NPR3: variants seen among roughly 807,000 people sequenced by gnomAD.
The protein encoded by NPR3 is atrial natriuretic peptide receptor 3.
Under a neutral mutation model 54.5 loss-of-function variants are expected in NPR3, and 34 were observed. The observed-to-expected ratio is 0.62, with a 90% CI of 0.47 to 0.83. The LOEUF is 0.83. Ranked by LOEUF, NPR3 falls within the 40% of genes least tolerant of loss-of-function variation. The probability of loss-of-function intolerance (pLI) is 0.00; values close to 1 mark genes in which losing one functional copy is unlikely to be tolerated. For synonymous variants in NPR3, 289 were observed against 297.1 expected (o/e 0.97, Z 0.28); for missense variants, 674 against 720.8 (o/e 0.94, Z 0.74).
chr5:32,709,950 C>A (rs1738126662), upstream of NPR3: 1 of 152,162 alleles, frequency 6.6e-6, no homozygotes, highest in African/African-American at 2.4e-5. Context: ...TGGACACGGA[C>A]GCCTAGTCAA....
At chr5:32,733,070 C>T (rs1020867219) in intron 2 of NPR3, among the ~76,000 whole-genome samples, 1 of 152,134 alleles carries the variant, frequency 6.6e-6, no homozygotes, top group Non-Finnish European at 1.5e-5. Context: ...GTCTCGAACT[C>T]CTGACCTCAG....
chr5:32,738,773 A>T (rs1739883983), intron 2 of NPR3, 91 bp from the exon 3 acceptor site: 6 of 1,146,732 alleles, frequency 5.2e-6, no homozygotes, highest in African/African-American at 1.5e-5. Context: ...TGCCAAAAGT[A>T]ACATGCGGGG....
chr5:32,766,174 G>A (rs3792753), intron 3 of NPR3, among the ~76,000 whole-genome samples: 21,208 of 152,250 alleles, frequency 0.14, 1,599 homozygotes, highest in South Asian at 0.21. Flanking sequence ...GTGGACTGGA[G>A]GAGTAACCTG....
At position 32,787,550 on chromosome 5, in the gene NPR3, A is replaced by T. The variant is rs1742703261; in HGVS notation, c.*1205A>T. 6.6e-6 allele frequency: 1 copy of T among 152,250 alleles called. No homozygotes were observed. The highest frequency in any genetic ancestry group is 6.5e-5 in the Admixed American group (1 of 15,284). The allele number at this position is 152,250 out of a possible 1,614,324, so 9.4% of individuals were successfully genotyped here. On this transcript the variant is annotated 3_prime_UTR_variant, in exon 8 of 8. Transcript: ENST00000265074. ...TTTAAAACTTTTACACATGGCATTT[A>T]CCAAAATTCCCAGTGATTATTTTGT...
chr5:32,712,752 T>G (rs1579587154), intron 1 of NPR3, among the ~76,000 whole-genome samples: 1 of 151,944 alleles, frequency 6.6e-6, no homozygotes, highest in Non-Finnish European at 1.5e-5. Context: ...CCCAGGGAGG[T>G]GAAGGGGTTG....
chr5:32,767,000 C>A (rs1239248860), intron 3 of NPR3, among the ~76,000 whole-genome samples: 1 of 152,282 alleles, frequency 6.6e-6, no homozygotes, highest in East Asian at 1.9e-4. Flanking sequence ...CCCTCTCATT[C>A]CCTCTCCAGG....
chr5:32,773,426 A>G (rs1176412934), intron 3 of NPR3, among the ~76,000 whole-genome samples: 2 of 152,154 alleles, frequency 1.3e-5, no homozygotes, highest in South Asian at 4.1e-4. Context: ...AGACAGTCCA[A>G]GTTCCTCAGT....
chr5:32,731,600 T>A (rs969379620), intron 2 of NPR3, among the ~76,000 whole-genome samples: 14 of 152,250 alleles, frequency 9.2e-5, no homozygotes, highest in African/African-American at 3.4e-4. Flanking sequence ...ATTTTATTAG[T>A]CCTAGTTTAC....
chr5:32,760,317 G>T (rs1741096425), intron 3 of NPR3, among the ~76,000 whole-genome samples: 1 of 152,052 alleles, frequency 6.6e-6, no homozygotes, highest in South Asian at 2.1e-4. Context: ...ATTCCAACCA[G>T]CAATGTATGG....
chr5:32,754,643 C>T (rs930675123), intron 3 of NPR3, among the ~76,000 whole-genome samples: 4 of 151,974 alleles, frequency 2.6e-5, no homozygotes, highest in Non-Finnish European at 5.9e-5. Context: ...CTGGGGTGAA[C>T]TTGCTTCTTG....
chr5:32,763,563 C>A (rs189311458), intron 3 of NPR3, among the ~76,000 whole-genome samples: 1 of 151,776 alleles, frequency 6.6e-6, no homozygotes, highest in African/African-American at 2.4e-5. Context: ...ACCTGCCCAC[C>A]TTGGCCTCCC....
At chr5:32,719,820 A>ATTTTTTTTTT (rs1738758845) in intron 1 of NPR3, among the ~76,000 whole-genome samples, 1 of 125,846 alleles carries the variant, frequency 7.9e-6, no homozygotes, top group African/African-American at 3.1e-5. Flanking sequence ...TCTTGTTTGG[A>ATTTTTTTTTT]TATTTCCTTG....
chr5:32,717,044 C>T (rs980422867), intron 1 of NPR3, among the ~76,000 whole-genome samples: 3 of 134,154 alleles, frequency 2.2e-5, no homozygotes, highest in Non-Finnish European at 3.1e-5. Context: ...TGATGTTTCC[C>T]GCCCTGTGTC....
chr5:32,756,534 T>A (rs1294362733), intron 3 of NPR3, among the ~76,000 whole-genome samples: 1 of 152,208 alleles, frequency 6.6e-6, no homozygotes, highest in Non-Finnish European at 1.5e-5. Context: ...TTGCAAAAAT[T>A]TTCTCCCATT....
chr5:32,763,744 G>A (rs143807985), intron 3 of NPR3, among the ~76,000 whole-genome samples: 9 of 151,968 alleles, frequency 5.9e-5, no homozygotes, highest in Middle Eastern at 3.4e-3. Context: ...TTGAGTGTAG[G>A]TCACCTCTCC....
chr5:32,755,054 G>T (rs890819830), intron 3 of NPR3, among the ~76,000 whole-genome samples: 3 of 152,148 alleles, frequency 2.0e-5, no homozygotes, highest in African/African-American at 7.2e-5. Flanking sequence ...TAGAGATGGG[G>T]TTTCACCATG....
intron 2 of NPR3, among the ~76,000 whole-genome samples, chr5:32,728,837 GTATATATA>G (rs70961659): frequency 5.4e-4 from 26 of 48,002 alleles, no homozygotes; most frequent in African/African-American, 7.8e-4. Context: ...GTGTGTGTGT[GTATATATA>G]TATATATATA....
At chr5:32,699,639 TTGTG>T (rs1048301104) in intron 1 of NPR3, among the ~76,000 whole-genome samples, 2 of 152,216 alleles carry the variant, frequency 1.3e-5, no homozygotes, top group African/African-American at 4.8e-5. Flanking sequence ...TTTTCTTGTA[TTGTG>T]TATGTCTTGA....
chr5:32,717,423 G>T (rs1013243915), intron 1 of NPR3, among the ~76,000 whole-genome samples: 1 of 152,148 alleles, frequency 6.6e-6, no homozygotes. Context: ...TTGAGGAATT[G>T]CCACACTGTC....
Sources: allele counts gnomAD v4.1 joint callset (sites outside exome capture counted in the v4.1 genomes callset), GRCh38; gene constraint gnomAD v4.1.1; transcripts MANE v1.5; gene names NCBI Gene and HGNC (gene_info 2026-07-23, HGNC 2026-07-21).